MAPK4: variants seen among roughly 807,000 people sequenced by gnomAD.
MAPK4 encodes mitogen-activated protein kinase 4.
Under a neutral mutation model 47.7 loss-of-function variants are expected in MAPK4, and 22 were observed. The observed-to-expected ratio is 0.46, with a 90% CI of 0.33 to 0.66. MAPK4 has a LOEUF of 0.66. Among genes scored for constraint, MAPK4 ranks in the 30% least tolerant of loss-of-function variants. MAPK4 has a pLI of 0.02. For synonymous variants in MAPK4, 390 were observed against 365.7 expected (o/e 1.07, Z -0.76); for missense variants, 736 against 831.7 (o/e 0.88, Z 1.42).
chr18:50,593,630 A>G (rs2042457169), intron 1 of MAPK4, among the ~76,000 whole-genome samples: 2 of 152,192 alleles, frequency 1.3e-5, no homozygotes, highest in Non-Finnish European at 2.9e-5. Context: ...GTTATAAGCA[A>G]TGACAACTAA....
intron 1 of MAPK4, among the ~76,000 whole-genome samples, chr18:50,609,883 GC>G (rs1765432247): frequency 6.6e-6 from 1 of 152,168 alleles, no homozygotes; most frequent in South Asian, 2.1e-4. Flanking sequence ...GGGTCATGAA[GC>G]CTGGATCCTG....
At chr18:50,679,111 A>C (rs1908438785) in intron 2 of MAPK4, among the ~76,000 whole-genome samples, 1 of 152,276 alleles carries the variant, frequency 6.6e-6, no homozygotes, top group East Asian at 1.9e-4. Flanking sequence ...TGAGTTCCCC[A>C]TGAAGGAGAG....
At chr18:50,578,766 G>A (rs1159872778) in intron 1 of MAPK4, among the ~76,000 whole-genome samples, 1 of 152,180 alleles carries the variant, frequency 6.6e-6, no homozygotes, top group African/African-American at 2.4e-5. Flanking sequence ...ACTGCTAAAA[G>A]GACACCACAG....
chr18:50,684,766 G>A (rs1359958373), intron 2 of MAPK4, among the ~76,000 whole-genome samples: 1 of 152,052 alleles, frequency 6.6e-6, no homozygotes, highest in Admixed American at 6.6e-5. Flanking sequence ...GGCAGGCCTG[G>A]GTGAACAGCC....
intron 1 of MAPK4, among the ~76,000 whole-genome samples, chr18:50,561,353 T>G (rs2042151674): frequency 6.6e-6 from 1 of 152,222 alleles, no homozygotes; most frequent in African/African-American, 2.4e-5. Context: ...TTAAATAACC[T>G]TAATGTAAAA....
At chr18:50,714,593 C>G (rs1910541036) in intron 2 of MAPK4, among the ~76,000 whole-genome samples, 1 of 152,310 alleles carries the variant, frequency 6.6e-6, no homozygotes, top group East Asian at 1.9e-4. Flanking sequence ...GGCTTTGTGG[C>G]AGCATTAATT....
chr18:50,671,499 G>T (rs780824212), intron 2 of MAPK4, among the ~76,000 whole-genome samples: 5 of 152,132 alleles, frequency 3.3e-5, no homozygotes, highest in Non-Finnish European at 7.4e-5. Context: ...TTCAATTTGA[G>T]GTCCCAAAGG....
rs1299638208 is a variant in MAPK4 at position 50,560,146 on chromosome 18, G to T, written c.-968G>T. ...GGGCGACCGCGGGAGCTCGCCGTGCGCCGTGGCTGGGACCGGCCTGGCCGA... is the reference window on the plus strand; with the variant it reads ...GGGCGACCGCGGGAGCTCGCCGTGCTCCGTGGCTGGGACCGGCCTGGCCGA... On this transcript the variant is annotated 5_prime_UTR_variant, in exon 1 of 6. Transcript: ENST00000400384. 6.7e-6 allele frequency: 1 copy of T among 149,670 alleles called. No individual in the cohort carries two copies. The highest frequency in any genetic ancestry group is 1.5e-5 in the Non-Finnish European group (1 of 67,066). The allele number at this position is 149,670 out of a possible 1,614,324, so 9.3% of individuals were successfully genotyped here.
chr18:50,679,284 G>A (rs1908448482), intron 2 of MAPK4, among the ~76,000 whole-genome samples: 1 of 152,144 alleles, frequency 6.6e-6, no homozygotes, highest in South Asian at 2.1e-4. Flanking sequence ...TTTTGTCTTA[G>A]CCACGTTTTC....
intron 2 of MAPK4, among the ~76,000 whole-genome samples, chr18:50,691,192 C>T (rs1285964219): frequency 6.6e-6 from 1 of 152,116 alleles, no homozygotes; most frequent in African/African-American, 2.4e-5. Flanking sequence ...AGGGTTTCAC[C>T]ATGTTGTCCA....
chr18:50,585,207 C>T (rs1438074333), intron 1 of MAPK4, among the ~76,000 whole-genome samples: 2 of 152,198 alleles, frequency 1.3e-5, no homozygotes, highest in Non-Finnish European at 2.9e-5. Context: ...CACGGGCCAG[C>T]TGGACTGGCA....
chr18:50,636,681 C>A (rs1450972913), intron 1 of MAPK4, among the ~76,000 whole-genome samples: 1 of 152,206 alleles, frequency 6.6e-6, no homozygotes, highest in Non-Finnish European at 1.5e-5. Context: ...CTATGGGAAC[C>A]TTTCAATGTT....
At chr18:50,611,230 C>A (rs1379810392) in intron 1 of MAPK4, among the ~76,000 whole-genome samples, 2 of 152,174 alleles carry the variant, frequency 1.3e-5, no homozygotes, top group Admixed American at 6.5e-5. Flanking sequence ...TTGTTTCTTA[C>A]CAACCTCCAA....
At chr18:50,631,246 C>G (rs539096262) in intron 1 of MAPK4, among the ~76,000 whole-genome samples, 30 of 152,038 alleles carry the variant, frequency 2.0e-4, no homozygotes, top group Admixed American at 6.6e-4. Flanking sequence ...TGAAATGGCT[C>G]CTTAAGCATA....
chr18:50,559,794 C>G (rs2042134822), upstream of MAPK4, among the ~76,000 whole-genome samples: 1 of 151,734 alleles, frequency 6.6e-6, no homozygotes, highest in African/African-American at 2.4e-5. Context: ...AGCTCTACCG[C>G]GTGTGCCCCG....
chr18:50,680,734 C>G (rs1289485499), intron 2 of MAPK4, among the ~76,000 whole-genome samples: 1 of 152,204 alleles, frequency 6.6e-6, no homozygotes, highest in African/African-American at 2.4e-5. Context: ...CAAGGTTTAT[C>G]CATGTGATTG....
chr18:50,569,528 G>A (rs1264024927), intron 1 of MAPK4, among the ~76,000 whole-genome samples: 9 of 152,126 alleles, frequency 5.9e-5, no homozygotes. Flanking sequence ...TTTTTGTTCT[G>A]TCTTACTTCT....
At chr18:50,593,212 G>A (rs778619731) in intron 1 of MAPK4, among the ~76,000 whole-genome samples, 10 of 152,008 alleles carry the variant, frequency 6.6e-5, no homozygotes, top group South Asian at 2.1e-4. Flanking sequence ...CTTATTTTGC[G>A]TCATCAAAAT....
At chr18:50,579,477 G>A (rs766023437) in intron 1 of MAPK4, among the ~76,000 whole-genome samples, 1 of 152,238 alleles carries the variant, frequency 6.6e-6, no homozygotes, top group Non-Finnish European at 1.5e-5. Context: ...AGAGGTATGT[G>A]TGGAAGTGGA....
Sources: allele counts gnomAD v4.1 joint callset (sites outside exome capture counted in the v4.1 genomes callset), GRCh38; gene constraint gnomAD v4.1.1; transcripts MANE v1.5; gene names NCBI Gene and HGNC (gene_info 2026-07-23, HGNC 2026-07-21).